Variants in CEMIP observed in about 807,000 individuals in gnomAD.
CEMIP encodes cell migration-inducing and hyaluronan-binding protein.
CEMIP carries 105 observed loss-of-function variants against 156.9 expected under a neutral mutation model. That is an observed-to-expected ratio of 0.67 (90% CI 0.57 to 0.79). The LOEUF is 0.79. CEMIP is among the 30% of genes least tolerant of loss of function. CEMIP has a pLI of 0.00. For synonymous variants in CEMIP, 676 were observed against 668.4 expected, an observed-to-expected ratio of 1.01 and a Z score of -0.17; for missense variants, 1,457 against 1,769.4, an observed-to-expected ratio of 0.82 and a Z score of 3.17.
intron 1 of CEMIP, among the ~76,000 whole-genome samples, chr15:80,804,766 C>T (rs765134565): frequency 6.6e-6 from 1 of 152,108 alleles, no homozygotes; most frequent in Non-Finnish European, 1.5e-5. Flanking sequence ...ATGATAAAAC[C>T]GAGGTCTTTC....
chr15:80,846,384 C>T (rs1897557816), intron 1 of CEMIP, among the ~76,000 whole-genome samples: 1 of 152,196 alleles, frequency 6.6e-6, no homozygotes, highest in Non-Finnish European at 1.5e-5. Flanking sequence ...TTTCCTCCCC[C>T]AGGAAAACCT....
chr15:80,873,037 G>A (rs1219378930), intron 1 of CEMIP, among the ~76,000 whole-genome samples: 2 of 152,144 alleles, frequency 1.3e-5, no homozygotes, highest in East Asian at 3.8e-4. Context: ...AAGGAGAAGG[G>A]AGAGAAGAAA....
intron 19 of CEMIP, 107 bp downstream of exon 19, chr15:80,925,862 C>T (rs1352674780): frequency 1.9e-5 from 28 of 1,461,050 alleles, no homozygotes; most frequent in Non-Finnish European, 2.5e-5. Flanking sequence ...GCCAGACATA[C>T]TGACGTTTGG....
chr15:80,936,510 A>T (rs775719832), intron 23 of CEMIP, among the ~76,000 whole-genome samples, 164 bp from the exon 24 acceptor site: 38 of 152,222 alleles, frequency 2.5e-4, no homozygotes, highest in Non-Finnish European at 5.0e-4. Flanking sequence ...GCAGAAAGAG[A>T]TGTCCCCTTA....
intron 13 of CEMIP, 151 bp from the exon 14 acceptor site, chr15:80,908,945 TA>T: frequency 1.3e-6 from 1 of 782,522 alleles, no homozygotes; most frequent in Non-Finnish European, 2.2e-6. Context: ...CCAGGCATTC[TA>T]ACCCATTTGC....
chr15:80,873,821 C>A, intron 2 of CEMIP, 43 bp from the exon 3 acceptor site: 1 of 1,429,664 alleles, frequency 7.0e-7, no homozygotes, highest in Non-Finnish European at 9.6e-7. Context: ...CTGATTCCAG[C>A]CTGCCAAGGC....
chr15:80,837,223 C>T (rs537316734), intron 1 of CEMIP, among the ~76,000 whole-genome samples: 126 of 152,276 alleles, frequency 8.3e-4, no homozygotes, highest in African/African-American at 2.9e-3. Flanking sequence ...ATAAGCACTC[C>T]GAGACGCACA....
At chr15:80,885,828 C>T (rs1898817941) in intron 7 of CEMIP, among the ~76,000 whole-genome samples, 1 of 152,202 alleles carries the variant, frequency 6.6e-6, no homozygotes, top group South Asian at 2.1e-4. Context: ...ACTATTTTCT[C>T]CTTATAAGCA....
intron 1 of CEMIP, among the ~76,000 whole-genome samples, chr15:80,870,244 G>C (rs1016757483): frequency 5.3e-5 from 8 of 152,168 alleles, no homozygotes; most frequent in African/African-American, 1.9e-4. Flanking sequence ...GGGTGGGTAG[G>C]GACGGGGATG....
chr15:80,921,705 C>G (rs952751121), intron 16 of CEMIP, among the ~76,000 whole-genome samples: 1 of 152,196 alleles, frequency 6.6e-6, no homozygotes, highest in Non-Finnish European at 1.5e-5. Context: ...CTCATGAAAT[C>G]CCCCCATTGT....
intron 6 of CEMIP, among the ~76,000 whole-genome samples, 198 bp from the exon 7 acceptor site, chr15:80,883,974 CCTT>C (rs1042349565): frequency 2.6e-5 from 4 of 152,188 alleles, no homozygotes; most frequent in African/African-American, 4.8e-5. Context: ...AAGTCAAAAC[CCTT>C]CTTCTTGGAT....
Position 80,924,646 on chromosome 15 carries a change from T to C in CEMIP, c.2228T>C (p.Val743Ala), listed in dbSNP as rs1331931200. Residue 743 changes from valine to alanine, a missense_variant, in exon 18 of 30, where the codon GTC (valine) becomes GCC (alanine). Transcript: ENST00000394685. ...GCTGGCATGATCATAGACAACGGAG[T>C]CAAAACCACCGAGGCCTCTGCCAAG... ...YRAGMIIDNG[V>A]KTTEASAKDK... 6.2e-7 allele frequency: 1 copy of C among 1,613,866 alleles called. No homozygotes were observed. Among genetic ancestry groups the C allele is most frequent in the Non-Finnish European group, 8.5e-7 (1 of 1,179,954 alleles).
At chr15:80,905,788 C>T (rs1292814104) in intron 12 of CEMIP, among the ~76,000 whole-genome samples, 19 of 152,044 alleles carry the variant, frequency 1.2e-4, no homozygotes, top group Admixed American at 1.2e-3. Flanking sequence ...GAGTCCAGGG[C>T]CTTAAGGATA....
intron 1 of CEMIP, among the ~76,000 whole-genome samples, chr15:80,798,997 G>A (rs893623582): frequency 6.6e-6 from 1 of 152,184 alleles, no homozygotes; most frequent in Non-Finnish European, 1.5e-5. Context: ...ACAGCTTCAT[G>A]GAACAGTCTT....
chr15:80,836,657 TCCTTACCTCCTGGGTTTTCTGCCAG>T (rs1283864219), intron 1 of CEMIP, among the ~76,000 whole-genome samples: 97 of 150,630 alleles, frequency 6.4e-4, no homozygotes, highest in African/African-American at 2.3e-3. Context: ...GTTTTCTGCC[TCCTTACCTCCTGGGTTTTCTGCCAG>T]CCTTACCCTC....
chr15:80,865,834 A>G (rs771246432), intron 1 of CEMIP, among the ~76,000 whole-genome samples: 8 of 152,126 alleles, frequency 5.3e-5, no homozygotes, highest in Non-Finnish European at 1.0e-4. Context: ...TTACAGGCTG[A>G]CTTTTCATTA....
chr15:80,869,897 A>C (rs1043225652), intron 1 of CEMIP, among the ~76,000 whole-genome samples: 3 of 152,236 alleles, frequency 2.0e-5, no homozygotes, highest in Admixed American at 2.0e-4. Flanking sequence ...GATGAGAGCC[A>C]GAGTTGGAAT....
At chr15:80,921,249 C>T (rs903383701) in intron 16 of CEMIP, 148 bp downstream of exon 16, 30 of 784,728 alleles carry the variant, frequency 3.8e-5, no homozygotes, top group African/African-American at 5.1e-5. Context: ...AAGAGGAAAA[C>T]GACAGACTGG....
In CEMIP at chr15:80,945,325, G is replaced by A. The variant is rs371304255; in HGVS notation, c.3858-1640G>A. On this transcript the variant is annotated intron_variant, in intron 28 of 29. Transcript: ENST00000394685. ...CACAAGAAGCCCATCTCTCTGTCCCGCTCCTGTGAGCTAACTTAGATCCCC... is the reference window on the plus strand; with the variant it reads ...CACAAGAAGCCCATCTCTCTGTCCCACTCCTGTGAGCTAACTTAGATCCCC... Among the ~76,000 whole-genome samples, 59 of 152,316 alleles carry A rather than the reference G, an allele frequency of 3.9e-4. No homozygotes were observed. The South Asian group carries it at 0.011, about 29-fold the overall frequency.
Sources: allele counts gnomAD v4.1 joint callset (sites outside exome capture counted in the v4.1 genomes callset), GRCh38; gene constraint gnomAD v4.1.1; transcripts MANE v1.5; gene names NCBI Gene and HGNC (gene_info 2026-07-23, HGNC 2026-07-21).